Variants in SMARCA4 observed in about 807,000 individuals in gnomAD.
The protein encoded by SMARCA4 is SWI/SNF-related matrix-associated actin-dependent regulator of chromatin subfamily A member 4.
In SMARCA4, 31 loss-of-function variants were observed where a neutral mutation model predicts 193.9. The ratio of observed to expected loss-of-function variants is 0.16; its 90% CI spans 0.12 to 0.22. The LOEUF (loss-of-function observed/expected upper bound fraction) is 0.22. Ranked by LOEUF, SMARCA4 falls within the 10% of genes least tolerant of loss-of-function variation. The pLI is 1.00. For missense variants in SMARCA4, 1,148 were observed against 2,296.0 expected (o/e 0.50, Z 10.22); for synonymous variants, 942 against 933.1 (o/e 1.01, Z -0.17).
In SMARCA4 at chr19:11,058,662, G is replaced by T; in HGVS notation, c.4534-126G>T. The stretch of plus-strand genomic sequence containing the variant: ...CCTAGTGAGCCAGGTTACCGAGGCT[G>T]GCGCTTCGGCCACATCCTCATAGGC... On this transcript the variant is annotated intron_variant, in intron 31 of 34. Coordinates refer to ENST00000344626, the MANE Select transcript of SMARCA4 (RefSeq NM_003072.5). The surrounding 1 kb of genome is among the most constrained non-coding windows in gnomAD (Gnocchi z 5.8). 1 of 805,612 alleles carries T rather than the reference G, an allele frequency of 1.2e-6. No individual in the cohort carries two copies. Among genetic ancestry groups the T allele is most frequent in the South Asian group, 1.4e-5 (1 of 70,108 alleles). The allele number at this position is 805,612 out of a possible 1,614,324, so 49.9% of individuals were successfully genotyped here. A position where few individuals can be genotyped will look rare whatever the true frequency, so the allele number is the denominator to read the frequency against.
intron 30 of SMARCA4, among the ~76,000 whole-genome samples, chr19:11,049,844 G>T (rs1600546225): frequency 6.6e-6 from 1 of 152,226 alleles, no homozygotes; most frequent in East Asian, 1.9e-4. Context: ...GCTCACATCT[G>T]TAATCCCAGC....
intron 34 of SMARCA4, among the ~76,000 whole-genome samples, chr19:11,061,341 G>A (rs919830489): frequency 3.5e-4 from 53 of 151,118 alleles, no homozygotes; most frequent in African/African-American, 1.3e-3. Context: ...GACAGAGCAG[G>A]GAAGGCACGT....
At chr19:10,997,414 G>C (rs2087178072) in intron 11 of SMARCA4, among the ~76,000 whole-genome samples, 1 of 152,008 alleles carries the variant, frequency 6.6e-6, no homozygotes. Context: ...TAGCCAGGAT[G>C]GTTTCAATCT....
intron 30 of SMARCA4, among the ~76,000 whole-genome samples, chr19:11,053,293 G>A (rs2076362094): frequency 6.6e-6 from 1 of 152,052 alleles, no homozygotes; most frequent in Non-Finnish European, 1.5e-5. Flanking sequence ...AGACCAGCCT[G>A]GCCAACGTGG....
In SMARCA4 at chr19:11,062,221, GTA is replaced by G. The variant is rs1014483816; in HGVS notation, c.*407_*408del. On this transcript the variant is annotated 3_prime_UTR_variant, in exon 35 of 35. Coordinates refer to ENST00000344626, the MANE Select transcript of SMARCA4 (RefSeq NM_003072.5). ...CAGACTCGCCGGGGGCCCGGCGAGG[GTA>G]TGTCAGTGTCACTGGATGTCAAACA... 9 of 301,118 alleles carry G rather than the reference GTA, an allele frequency of 3.0e-5. No homozygotes were observed. Among genetic ancestry groups the G allele is most frequent in the African/African-American group, 6.3e-5 (3 of 47,648 alleles). 18.7% of individuals were successfully genotyped at this position (301,118 alleles called of 1,614,324 possible).
intron 30 of SMARCA4, among the ~76,000 whole-genome samples, chr19:11,047,392 AAGCCTCC>A (rs1169267012): frequency 6.8e-6 from 1 of 147,334 alleles, no homozygotes; most frequent in Non-Finnish European, 1.5e-5. Context: ...CCAACCAGAG[AAGCCTCC>A]GTGTCCAGAG....
chr19:10,987,622 C>A lies in SMARCA4; in HGVS notation c.860-44C>A, dbSNP rs1352228130. ...CTTTCCATTTCCAGCCCGGGATGGGCCCCAGAGCTCAACATGACGCCCTGG... is the reference window on the plus strand; with the variant it reads ...CTTTCCATTTCCAGCCCGGGATGGGACCCAGAGCTCAACATGACGCCCTGG... On this transcript the variant is annotated intron_variant, in intron 5 of 34. Transcript: ENST00000344626. This position sits in a 1 kb window ranked among gnomAD's most constrained non-coding sequence, Gnocchi z 5.3. 6.2e-7 allele frequency: 1 copy of A among 1,610,794 alleles called. No individual in the cohort carries two copies. The highest frequency in any genetic ancestry group is 8.5e-7 in the Non-Finnish European group (1 of 1,178,016).
intron 30 of SMARCA4, among the ~76,000 whole-genome samples, chr19:11,043,396 T>C (rs979719630): frequency 6.6e-6 from 1 of 152,240 alleles, no homozygotes; most frequent in African/African-American, 2.4e-5. Flanking sequence ...TCATGTGTTG[T>C]CAGTATTGAG....
In SMARCA4 at chr19:10,987,748, G is replaced by T. The variant is rs567283924; in HGVS notation, c.942G>T (p.Ala314=). The stretch of plus-strand genomic sequence containing the variant: ...AGCCAACGGGCCGCCCTTCCCCCGC[G>T]CCCCCTGCCGTCCCACCCGCCGCCT... ...PPQPTGRPSP[A]PPAVPPAASP... The change falls in exon 6 of 35, where the codon GCG becomes GCT. Residue 314 remains alanine (A), a synonymous_variant. Coordinates refer to ENST00000344626, the MANE Select transcript of SMARCA4 (RefSeq NM_003072.5). This position sits in a 1 kb window ranked among gnomAD's most constrained non-coding sequence, Gnocchi z 5.3. 6.3e-7 allele frequency: 1 copy of T among 1,598,276 alleles called. No homozygotes were observed. The highest frequency in any genetic ancestry group is 8.5e-7 in the Non-Finnish European group (1 of 1,172,196).
intron 15 of SMARCA4, chr19:11,010,938 C>G (rs1230115018): frequency 3.3e-6 from 1 of 301,600 alleles, no homozygotes; most frequent in Non-Finnish European, 6.6e-6. Context: ...GTTACCTGAG[C>G]TCTGTGTGGT....
At chr19:11,006,939 T>C (rs904202356) in intron 13 of SMARCA4, among the ~76,000 whole-genome samples, 1 of 150,840 alleles carries the variant, frequency 6.6e-6, no homozygotes, top group Non-Finnish European at 1.5e-5. Flanking sequence ...GCAAAACAAT[T>C]AGCCAAGTGT....
At position 11,041,040 on chromosome 19, in the gene SMARCA4, T is replaced by G. The variant is rs569713511; in HGVS notation, c.4171-267T>G. On this transcript the variant is annotated intron_variant, in intron 29 of 34. Coordinates refer to ENST00000344626, the MANE Select transcript of SMARCA4 (RefSeq NM_003072.5). This position sits in a 1 kb window ranked among gnomAD's most constrained non-coding sequence, Gnocchi z 5.6. ...TTTTCTGTACAGAGAAGATAGTTCTTTTTTTTTGGTCAAGAAATTCAACCA... is the reference window on the plus strand; with the variant it reads ...TTTTCTGTACAGAGAAGATAGTTCTGTTTTTTTGGTCAAGAAATTCAACCA... The G allele has an allele frequency of 6.0e-6, 3 of 501,660 alleles. No homozygotes were observed. The highest frequency in any genetic ancestry group is 1.1e-5 in the Non-Finnish European group (3 of 282,996). 31.1% of individuals were successfully genotyped at this position (501,660 alleles called of 1,614,324 possible).
At chr19:10,975,781 A>G (rs917377856) in intron 1 of SMARCA4, among the ~76,000 whole-genome samples, 1 of 152,172 alleles carries the variant, frequency 6.6e-6, no homozygotes, top group African/African-American at 2.4e-5. Flanking sequence ...TGAGTGTTTT[A>G]CATCTTAGCT....
intron 1 of SMARCA4, among the ~76,000 whole-genome samples, chr19:10,979,269 A>G (rs1026122461): frequency 1.3e-5 from 2 of 152,138 alleles, no homozygotes; most frequent in Non-Finnish European, 2.9e-5. Context: ...AGAAGAACCA[A>G]TGCATGTGTT....
intron 30 of SMARCA4, among the ~76,000 whole-genome samples, chr19:11,053,885 T>G (rs1378277598): frequency 6.6e-6 from 1 of 152,174 alleles, no homozygotes; most frequent in Non-Finnish European, 1.5e-5. Context: ...CACTCTAGCC[T>G]GGGCAACAGA....
At chr19:11,018,199 AGACTTTCT>A (rs2089538791) in intron 16 of SMARCA4, 1 of 160,254 alleles carries the variant, frequency 6.2e-6, no homozygotes, top group Non-Finnish European at 1.4e-5. Context: ...CACCCCGTCT[AGACTTTCT>A]GAGTGGCTTC....
Position 11,019,455 on chromosome 19 carries a change from C to G in SMARCA4, c.2506-136C>G. The G allele has an allele frequency of 1.5e-6, 1 of 673,456 alleles. No individual in the cohort carries two copies. Among genetic ancestry groups the G allele is most frequent in the South Asian group, 1.6e-5 (1 of 61,904 alleles). The allele number at this position is 673,456 out of a possible 1,614,324, so 41.7% of individuals were successfully genotyped here. A position where few individuals can be genotyped will look rare whatever the true frequency, so the allele number is the denominator to read the frequency against. On this transcript the variant is annotated intron_variant, in intron 17 of 34. Transcript: ENST00000344626. This position sits in a 1 kb window ranked among gnomAD's most constrained non-coding sequence, Gnocchi z 6.1. ...GGGGACGCGCCAGCGGCCCTGCCAG[C>G]CCCTTTCCCCACTACCCCTGTGAGG...
chr19:11,033,653 A>C lies in SMARCA4; in HGVS notation c.3775-114A>C, dbSNP rs993055859. 5.1e-6 allele frequency: 4 copies of C among 783,998 alleles called. No homozygotes were observed. Among genetic ancestry groups the C allele is most frequent in the Non-Finnish European group, 9.2e-6 (4 of 433,584 alleles). 48.6% of individuals were successfully genotyped at this position (783,998 alleles called of 1,614,324 possible). A position where few individuals can be genotyped will look rare whatever the true frequency, so the allele number is the denominator to read the frequency against. On this transcript the variant is annotated intron_variant, in intron 26 of 34. Coordinates refer to ENST00000344626, the MANE Select transcript of SMARCA4 (RefSeq NM_003072.5). This position sits in a 1 kb window ranked among gnomAD's most constrained non-coding sequence, Gnocchi z 9.8. The stretch of plus-strand genomic sequence containing the variant: ...TTGGAGTAAAGGGAGTGTGGGCTGA[A>C]CGGAAAGAGGATGAGTACTTGCTTT...
Position 10,984,298 on chromosome 19 carries a change from G to T in SMARCA4, c.147G>T (p.Pro49=), listed in dbSNP as rs758438795. ...AHSMMGPSPG[P]PSAGHPIPTQ... ...GCATGATGGGGCCCAGCCCAGGGCC[G>T]CCCTCAGCAGGACACCCCATCCCCA... Residue 49 remains proline, a synonymous_variant, in exon 2 of 35, where the codon CCG becomes CCT. Transcript: ENST00000344626. The surrounding 1 kb of genome is among the most constrained non-coding windows in gnomAD (Gnocchi z 4.3). The T allele has an allele frequency of 1.2e-6, 2 of 1,607,348 alleles. No individual in the cohort carries two copies. Among genetic ancestry groups the T allele is most frequent in the South Asian group, 1.1e-5 (1 of 90,052 alleles).
Sources: allele counts gnomAD v4.1 joint callset (sites outside exome capture counted in the v4.1 genomes callset), GRCh38; gene constraint gnomAD v4.1.1; non-coding constraint Gnocchi (gnomAD v3.1); transcripts MANE v1.5; gene names NCBI Gene and HGNC (gene_info 2026-07-23, HGNC 2026-07-21).